Variants in DLG4 observed in about 807,000 individuals in gnomAD.
The protein encoded by DLG4 is discs large MAGUK scaffold protein 4, also known as disks large homolog 4.
A neutral mutation model predicts 93.8 loss-of-function variants in DLG4; 7 were observed. That is an observed-to-expected ratio of 0.07 (90% CI 0.04 to 0.14). The LOEUF (loss-of-function observed/expected upper bound fraction) is 0.14. Among genes scored for constraint, DLG4 ranks in the 10% least tolerant of loss-of-function variants. The pLI is 1.00. For missense variants in DLG4, 545 were observed against 992.9 expected (o/e 0.55, Z 6.06); for synonymous variants, 341 against 387.6 (o/e 0.88, Z 1.41).
intron 8 of DLG4, among the ~76,000 whole-genome samples, chr17:7,199,979 C>CAA (rs758701276): frequency 9.2e-5 from 5 of 54,218 alleles, no homozygotes; most frequent in Non-Finnish European, 1.9e-4. Context: ...GACTCCGTCT[C>CAA]AAAAAAAAAA....
intron 8 of DLG4, 27 bp from the exon 9 acceptor site, chr17:7,197,079 G>A (rs760052720): frequency 1.3e-6 from 2 of 1,568,458 alleles, no homozygotes; most frequent in South Asian, 1.2e-5. Context: ...AGAGATGAAA[G>A]TGCCTGGAGG....
chr17:7,192,159 C>A (rs1859630675), intron 17 of DLG4, 157 bp from the exon 18 acceptor site: 3 of 477,694 alleles, frequency 6.3e-6, no homozygotes, highest in Non-Finnish European at 1.1e-5. Context: ...GAGAGTCAGG[C>A]AGGAAGCGGG....
At chr17:7,217,003 A>T in intron 1 of DLG4, 115 bp downstream of exon 1, 1 of 1,007,710 alleles carries the variant, frequency 9.9e-7, no homozygotes, top group Non-Finnish European at 1.3e-6. Context: ...ACCCCCAAAT[A>T]CATCTTACTT....
Position 7,187,900 on chromosome 17 carries a change from T to C in DLG4, c.*2808A>G, listed in dbSNP as rs543003505. 1.3e-4 allele frequency among the ~76,000 whole-genome samples: 20 copies of C among 151,966 alleles called. No individual in the cohort carries two copies. The highest frequency in any genetic ancestry group is 2.4e-4 in the Non-Finnish European group (16 of 67,964). On this transcript the variant is annotated 3_prime_UTR_variant, in exon 20 of 20. Coordinates refer to ENST00000399506, the MANE Select transcript of DLG4 (RefSeq NM_001321075.3). ...CTTGGCTAACATGGTGAAACCCCGTTTCTACTAAAAATATTAAAAAATAGC... is the reference window on the plus strand; with the variant it reads ...CTTGGCTAACATGGTGAAACCCCGTCTCTACTAAAAATATTAAAAAATAGC...
chr17:7,217,111 T>C lies in DLG4; in HGVS notation c.30+7A>G, dbSNP rs1396873301. On this transcript the variant is annotated splice_region_variant and intron_variant, in intron 1 of 19. Coordinates refer to ENST00000399506, the MANE Select transcript of DLG4 (RefSeq NM_001321075.3). ...CCCCCAGTTTATAGCCCCCCCATCATGCTTACCTTGGTTGTCACTATACAG... is the reference window on the plus strand; with the variant it reads ...CCCCCAGTTTATAGCCCCCCCATCACGCTTACCTTGGTTGTCACTATACAG... 1 of 1,287,066 alleles carries C rather than the reference T, an allele frequency of 7.8e-7. No individual in the cohort carries two copies. Among genetic ancestry groups the C allele is most frequent in the Non-Finnish European group, 9.9e-7 (1 of 1,015,068 alleles). 79.7% of individuals were successfully genotyped at this position (1,287,066 alleles called of 1,614,324 possible).
rs2069682997 is a variant in DLG4, at chr17:7,194,809, A to C, written c.1302-314T>G. Among the ~76,000 whole-genome samples, 2 of 152,122 alleles carry C rather than the reference A, an allele frequency of 1.3e-5. No individual in the cohort carries two copies. The highest frequency in any genetic ancestry group is 4.1e-4 in the South Asian group (2 of 4,826). ...GACTTTGGGAGGCCAAGGCGGGCGGATCACAAGGTCAGGAGATTGAGACCA... is the reference window on the plus strand; with the variant it reads ...GACTTTGGGAGGCCAAGGCGGGCGGCTCACAAGGTCAGGAGATTGAGACCA... On this transcript the variant is annotated intron_variant, in intron 11 of 19. Coordinates refer to ENST00000399506, the MANE Select transcript of DLG4 (RefSeq NM_001321075.3). The surrounding 1 kb of genome is among the most constrained non-coding windows in gnomAD (Gnocchi z 4.4).
chr17:7,203,965 A>G lies in DLG4; in HGVS notation c.210+43T>C, dbSNP rs760413408. 2.5e-6 allele frequency: 4 copies of G among 1,603,170 alleles called. No homozygotes were observed. In the South Asian group the frequency reaches 3.4e-5, roughly 13 times the overall value. Reference sequence around the variant, plus strand: ...GACCACATGGCAGAAAGAAAGGTACAGACGGGAGGCCACGGGGACTGCCGA... The same window carrying G: ...GACCACATGGCAGAAAGAAAGGTACGGACGGGAGGCCACGGGGACTGCCGA... On this transcript the variant is annotated intron_variant, in intron 4 of 19. Coordinates refer to ENST00000399506, the MANE Select transcript of DLG4 (RefSeq NM_001321075.3). The surrounding 1 kb of genome is among the most constrained non-coding windows in gnomAD (Gnocchi z 7.2).
chr17:7,196,881 G>A lies in DLG4; in HGVS notation c.959C>T (p.Ser320Phe). Residue 320 changes from serine (S) to phenylalanine (F), a missense_variant, in exon 9 of 20, where the codon TCC becomes TTC. Physicochemically the swap from Ser to Phe is radical, Grantham distance 155 (BLOSUM62 -2). This residue lies in a region of DLG4 where 428 missense variants were observed against 741.4 expected (regional missense o/e 0.58). Coordinates refer to ENST00000399506, the MANE Select transcript of DLG4 (RefSeq NM_001321075.3). This position sits in a 1 kb window ranked among gnomAD's most constrained non-coding sequence, Gnocchi z 8.3. ...EPRRIVIHRG[S>F]TGLGFNIVGG... is the part of the protein sequence containing the mutation. ...CACGATGTTGAAGCCCAGGCCCGTGGAGCCCCGGTGGATCACAATTCGCCT... is the reference window on the plus strand; with the variant it reads ...CACGATGTTGAAGCCCAGGCCCGTGAAGCCCCGGTGGATCACAATTCGCCT... 5 of 1,613,864 alleles carry A rather than the reference G, an allele frequency of 3.1e-6. No individual in the cohort carries two copies. The highest frequency in any genetic ancestry group is 4.2e-6 in the Non-Finnish European group (5 of 1,179,844).
chr17:7,218,214 G>C (rs1373106894), upstream of DLG4: 1 of 1,599,198 alleles, frequency 6.3e-7, no homozygotes, highest in Non-Finnish European at 8.5e-7. Flanking sequence ...CCCTCAGGAA[G>C]TTAGGCGCTC....
rs572584331 is a variant in DLG4, at chr17:7,201,512, G to A, written c.787+1391C>T. Among the ~76,000 whole-genome samples, 31 of 152,280 alleles carry A rather than the reference G, an allele frequency of 2.0e-4. No homozygotes were observed. The South Asian group carries it at 3.9e-3, about 19-fold the overall frequency. Reference sequence around the variant, plus strand: ...GAGTTATTGGGTCCAAAAATGTCAGGAGTAACACTGAGAAACCCTGCTCTA... The same window carrying A: ...GAGTTATTGGGTCCAAAAATGTCAGAAGTAACACTGAGAAACCCTGCTCTA... On this transcript the variant is annotated intron_variant, in intron 8 of 19. Coordinates refer to ENST00000399506, the MANE Select transcript of DLG4 (RefSeq NM_001321075.3).
In DLG4 at chr17:7,191,567, A is replaced by G; in HGVS notation, c.1977-209T>C. The G allele has an allele frequency of 1.7e-6, 1 of 591,822 alleles. No homozygotes were observed. Among genetic ancestry groups the G allele is most frequent in the Non-Finnish European group, 3.0e-6 (1 of 334,152 alleles). The allele number at this position is 591,822 out of a possible 1,614,324, so 36.7% of individuals were successfully genotyped here. Reference sequence around the variant, plus strand: ...CGCCCCAGCCAGGTGTGGCTACTCCAGGGACATCTACGGAGCTTCATCCTT... The same window carrying G: ...CGCCCCAGCCAGGTGTGGCTACTCCGGGGACATCTACGGAGCTTCATCCTT... On this transcript the variant is annotated intron_variant, in intron 18 of 19. Coordinates refer to ENST00000399506, the MANE Select transcript of DLG4 (RefSeq NM_001321075.3). This position sits in a 1 kb window ranked among gnomAD's most constrained non-coding sequence, Gnocchi z 6.6.
Position 7,204,367 on chromosome 17 carries a change from C to T in DLG4, c.97-115G>A, listed in dbSNP as rs969091216. 7.0e-6 allele frequency: 7 copies of T among 1,000,876 alleles called. No individual in the cohort carries two copies. The Admixed American group carries it at 1.7e-4, about 25-fold the overall frequency. The allele number at this position is 1,000,876 out of a possible 1,614,324, so 62.0% of individuals were successfully genotyped here. A position where few individuals can be genotyped will look rare whatever the true frequency, so the allele number is the denominator to read the frequency against. On this transcript the variant is annotated intron_variant, in intron 2 of 19. Transcript: ENST00000399506. ...TTCAGCCTCTTAGCCAAGCCCACTCCGCCACCCTGAGAGCTGCTCAAGGGC... is the reference window on the plus strand; with the variant it reads ...TTCAGCCTCTTAGCCAAGCCCACTCTGCCACCCTGAGAGCTGCTCAAGGGC...
At chr17:7,200,730 G>C (rs1398610199) in intron 8 of DLG4, among the ~76,000 whole-genome samples, 2 of 151,848 alleles carry the variant, frequency 1.3e-5, no homozygotes, top group Non-Finnish European at 2.9e-5. Context: ...ATTTTTAGTA[G>C]AGATGGGGTT....
Position 7,188,070 on chromosome 17 carries a change from CAAAAAA to C in DLG4, c.*2632_*2637del, listed in dbSNP as rs35409465. On this transcript the variant is annotated 3_prime_UTR_variant, in exon 20 of 20. Transcript: ENST00000399506. ...GGGCAACAAAAGTGAAACTCGACCT[CAAAAAA>C]AAAAAAAAAAAAATCCTCTGAAGCA... is the stretch of plus-strand genomic sequence containing the variant. 1.4e-5 allele frequency among the ~76,000 whole-genome samples: 2 copies of C among 138,336 alleles called. No homozygotes were observed. Among genetic ancestry groups the C allele is most frequent in the Non-Finnish European group, 1.6e-5 (1 of 64,484 alleles). The allele number at this position is 138,336 out of a possible 152,430, so 90.8% of individuals were successfully genotyped here. A position where few individuals can be genotyped will look rare whatever the true frequency, so the allele number is the denominator to read the frequency against.
intron 8 of DLG4, among the ~76,000 whole-genome samples, chr17:7,201,108 C>T (rs2070110467): frequency 6.6e-6 from 1 of 152,148 alleles, no homozygotes; most frequent in South Asian, 2.1e-4. Flanking sequence ...AGGTGATCCG[C>T]CCGCCTTGGC....
upstream of DLG4, chr17:7,219,653 A>G: frequency 3.1e-6 from 4 of 1,275,434 alleles, no homozygotes; most frequent in Middle Eastern, 3.1e-4. Flanking sequence ...CCTTCAGTCC[A>G]CCTCCATCCC....
rs780766892 is a variant in DLG4, at chr17:7,203,488, A to G, written c.441T>C (p.Tyr147=). The change falls in exon 6 of 20, where the codon TAT becomes TAC. Residue 147 remains tyrosine, a synonymous_variant. Transcript: ENST00000399506. The surrounding 1 kb of genome is among the most constrained non-coding windows in gnomAD (Gnocchi z 7.2). The part of the protein sequence containing the change: ...LKEAGSIVRL[Y]VMRRKPPAEK... ...CAGCCGGGGGCTTCCGGCGCATGAC[A>G]TAGAGGCGAACGATGGAGCCTGCCT... The G allele has an allele frequency of 2.1e-5, 34 of 1,613,566 alleles. No homozygotes were observed. The highest frequency in any genetic ancestry group is 8.9e-5 in the East Asian group (4 of 44,874).
At chr17:7,201,428 C>T (rs1290397627) in intron 8 of DLG4, among the ~76,000 whole-genome samples, 3 of 152,136 alleles carry the variant, frequency 2.0e-5, no homozygotes, top group Non-Finnish European at 4.4e-5. Context: ...ATCTGATAGA[C>T]AGAGGCCAGG....
rs763991142 is a variant in DLG4 at position 7,203,283 on chromosome 17, T to C, written c.552A>G (p.Pro184=). The C allele has an allele frequency of 1.2e-6, 2 of 1,609,020 alleles. No homozygotes were observed. The highest frequency in any genetic ancestry group is 1.7e-6 in the Non-Finnish European group (2 of 1,175,798). The change falls in exon 7 of 20, where the codon CCA becomes CCG. Residue 184 remains proline (P), a synonymous_variant. Coordinates refer to ENST00000399506, the MANE Select transcript of DLG4 (RefSeq NM_001321075.3). The surrounding 1 kb of genome is among the most constrained non-coding windows in gnomAD (Gnocchi z 7.2). ...IAGGVGNQHI[P]GDNSIYVTKI... ...TTGTTACATAGATGCTATTATCTCC[T>C]GGGATGTGCTGGTTCCCTACGCCCC...
Sources: allele counts gnomAD v4.1 joint callset (sites outside exome capture counted in the v4.1 genomes callset), GRCh38; gene constraint gnomAD v4.1.1; regional missense constraint gnomAD v4.1.1; non-coding constraint Gnocchi (gnomAD v3.1); transcripts MANE v1.5; gene names NCBI Gene and HGNC (gene_info 2026-07-23, HGNC 2026-07-21).